SORCS3: variants seen among roughly 807,000 people sequenced by gnomAD.
The protein encoded by SORCS3 is VPS10 domain-containing receptor SorCS3.
SORCS3 carries 57 observed loss-of-function variants against 146.3 expected under a neutral mutation model. That is an observed-to-expected ratio of 0.39 (90% confidence interval 0.31 to 0.49). The LOEUF is 0.49. Ranked by LOEUF, SORCS3 falls within the 20% of genes least tolerant of loss-of-function variation. The probability of loss-of-function intolerance (pLI) is 0.92; values close to 1 mark genes in which losing one functional copy is unlikely to be tolerated. For missense variants in SORCS3, 1,341 were observed against 1,575.5 expected, an observed-to-expected ratio of 0.85 and a Z score of 2.52; for synonymous variants, 653 against 618.5, an observed-to-expected ratio of 1.06 and a Z score of -0.83.
intron 5 of SORCS3, among the ~76,000 whole-genome samples, chr10:105,083,618 C>A (rs1322784070): frequency 6.6e-6 from 1 of 152,154 alleles, no homozygotes; most frequent in Non-Finnish European, 1.5e-5. Context: ...GTTTTCTTTT[C>A]TTCAGCCATG....
At chr10:105,222,068 T>TTTTAG (rs1415423717) in intron 19 of SORCS3, among the ~76,000 whole-genome samples, 5 of 148,020 alleles carry the variant, frequency 3.4e-5, no homozygotes, top group Non-Finnish European at 7.5e-5. Context: ...TTTTTTTTTT[T>TTTTAG]TTTAGTTAAC....
At chr10:104,995,002 A>C (rs900306793) in intron 4 of SORCS3, among the ~76,000 whole-genome samples, 1 of 152,150 alleles carries the variant, frequency 6.6e-6, no homozygotes, top group Non-Finnish European at 1.5e-5. Flanking sequence ...TTTTAAGAAA[A>C]TGTCAAACCA....
intron 1 of SORCS3, among the ~76,000 whole-genome samples, chr10:104,724,107 C>T (rs1044240469): frequency 6.6e-6 from 1 of 152,180 alleles, no homozygotes; most frequent in African/African-American, 2.4e-5. Context: ...TTTGCAGTGG[C>T]TGGTACCGGT....
At chr10:104,705,788 A>G (rs926417337) in intron 1 of SORCS3, among the ~76,000 whole-genome samples, 1 of 152,188 alleles carries the variant, frequency 6.6e-6, no homozygotes, top group African/African-American at 2.4e-5. Context: ...ACATAGATTG[A>G]GCTAGCCCAG....
intron 3 of SORCS3, among the ~76,000 whole-genome samples, chr10:104,957,671 C>T (rs1403939408): frequency 6.6e-6 from 1 of 152,116 alleles, no homozygotes; most frequent in African/African-American, 2.4e-5. Context: ...TACCTCTTCC[C>T]ACCCTCTCTG....
chr10:105,200,993 T>G, intron 15 of SORCS3, 127 bp from the exon 16 acceptor site: 1 of 982,422 alleles, frequency 1.0e-6, no homozygotes, highest in South Asian at 1.7e-5. Context: ...GGATCATTAC[T>G]GAGAATGAGA....
Position 105,229,555 on chromosome 10 carries a change from G to T in SORCS3, c.2868+6306G>T, listed in dbSNP as rs189216617. ...TGTTTTTATGGTGTTGGTTGAATAGGGCACTTTGGCTTTGATTCTGGGTGC... is the reference window on the plus strand; with the variant it reads ...TGTTTTTATGGTGTTGGTTGAATAGTGCACTTTGGCTTTGATTCTGGGTGC... On this transcript the variant is annotated intron_variant, in intron 20 of 26. Transcript: ENST00000369701. 2.3e-3 allele frequency among the ~76,000 whole-genome samples: 343 copies of T among 152,248 alleles called. 2 individuals are homozygous for T. The highest frequency in any genetic ancestry group is 7.7e-3 in the African/African-American group (321 of 41,542).
intron 1 of SORCS3, among the ~76,000 whole-genome samples, chr10:104,687,313 A>C (rs945132): frequency 0.089 from 13,472 of 152,198 alleles, 650 homozygotes; most frequent in Admixed American, 0.13. Flanking sequence ...ATATACTTTG[A>C]TGCTTTCTGA....
chr10:105,223,141 A>G lies in SORCS3; in HGVS notation c.2760A>G (p.Arg920=), dbSNP rs1296111109. The G allele has an allele frequency of 5.0e-6, 8 of 1,609,638 alleles. No individual in the cohort carries two copies. The highest frequency in any genetic ancestry group is 5.9e-6 in the Non-Finnish European group (7 of 1,176,952). The change falls in exon 20 of 27, where the codon CGA becomes CGG. Residue 920 remains arginine, a synonymous_variant. Transcript: ENST00000369701. The part of the protein sequence containing the change: ...VVCPVEHVHL[R]VPFVAIRNKE... Reference sequence around the variant, plus strand: ...GTCCTGTGGAGCATGTTCATCTCCGAGTTCCATTTGTTGCCATAAGAAATA... The same window carrying G: ...GTCCTGTGGAGCATGTTCATCTCCGGGTTCCATTTGTTGCCATAAGAAATA...
At chr10:105,106,199 C>G (rs1273199165) in intron 7 of SORCS3, among the ~76,000 whole-genome samples, 1 of 152,182 alleles carries the variant, frequency 6.6e-6, no homozygotes, top group Non-Finnish European at 1.5e-5. Flanking sequence ...TATTTGATTG[C>G]AACCTTGATT....
intron 20 of SORCS3, among the ~76,000 whole-genome samples, chr10:105,225,865 T>A (rs2056731152): frequency 6.6e-6 from 1 of 151,990 alleles, no homozygotes; most frequent in South Asian, 2.1e-4. Flanking sequence ...GTATTTTATG[T>A]TTTTGTTTTA....
intron 2 of SORCS3, among the ~76,000 whole-genome samples, chr10:104,874,281 A>G (rs564846162): frequency 4.6e-5 from 7 of 152,298 alleles, no homozygotes; most frequent in African/African-American, 1.7e-4. Context: ...GGATCTGCCA[A>G]TAAGAAGACA....
intron 1 of SORCS3, among the ~76,000 whole-genome samples, chr10:104,782,039 C>T (rs1394679979): frequency 6.6e-6 from 1 of 152,196 alleles, no homozygotes; most frequent in African/African-American, 2.4e-5. Context: ...TGCATGTGTA[C>T]CCACAGACAC....
rs1306847941 is a variant in SORCS3, at chr10:105,147,754, C to A, written c.1440C>A (p.Ser480Arg). Residue 480 changes from serine (S) to arginine (R), a missense_variant, in exon 9 of 27, where the codon AGC becomes AGA. Ser to Arg is a moderately radical substitution (Grantham distance 110). Coordinates refer to ENST00000369701, the MANE Select transcript of SORCS3 (RefSeq NM_014978.3). ...CTCTGGCCATGGAGAACATCAAGAG[C>A]AGCAGAGGTCTAATGGGGAACATCA... ...YFTLAMENIKSSRGLMGNIII... is the reference protein window; with the variant it reads ...YFTLAMENIKRSRGLMGNIII... The A allele has an allele frequency of 1.2e-6, 2 of 1,612,840 alleles. No individual in the cohort carries two copies. The highest frequency in any genetic ancestry group is 1.7e-6 in the Non-Finnish European group (2 of 1,179,246).
At chr10:104,717,554 G>C (rs2016494517) in intron 1 of SORCS3, among the ~76,000 whole-genome samples, 1 of 151,962 alleles carries the variant, frequency 6.6e-6, no homozygotes, top group Admixed American at 6.6e-5. Flanking sequence ...TTCCCTTTCA[G>C]TTGCTACCTT....
At chr10:105,169,194 C>A (rs1367344570) in intron 13 of SORCS3, among the ~76,000 whole-genome samples, 3 of 152,110 alleles carry the variant, frequency 2.0e-5, no homozygotes, top group Admixed American at 2.0e-4. Context: ...CCTGGCAGCA[C>A]CAAGTTCGAT....
chr10:105,112,650 C>A (rs1385087004), intron 7 of SORCS3, among the ~76,000 whole-genome samples: 1 of 152,120 alleles, frequency 6.6e-6, no homozygotes, highest in African/African-American at 2.4e-5. Context: ...AGCAGTGAGG[C>A]TTGAGTCCCT....
At chr10:105,010,072 A>C (rs1243995637) in intron 4 of SORCS3, among the ~76,000 whole-genome samples, 2 of 152,190 alleles carry the variant, frequency 1.3e-5, no homozygotes, top group Non-Finnish European at 2.9e-5. Flanking sequence ...GGGTGGCAGA[A>C]AGAGCACAGG....
chr10:104,708,074 A>G (rs921700032), intron 1 of SORCS3, among the ~76,000 whole-genome samples: 2 of 152,182 alleles, frequency 1.3e-5, no homozygotes, highest in Admixed American at 6.5e-5. Context: ...AAACCCTGCA[A>G]TTATTCCTGG....
Sources: gnomAD v4.1 joint callset for allele counts (sites outside exome capture counted in the v4.1 genomes callset) on GRCh38, gnomAD v4.1.1 for gene constraint, MANE v1.5 for transcripts, NCBI Gene and HGNC (gene_info 2026-07-23, HGNC 2026-07-21) for gene names.